The following C12orf42 variants were observed in gnomAD, a reference collection of about 807,000 sequenced individuals.
C12orf42 encodes chromosome 12 open reading frame 42, also known as uncharacterized protein C12orf42.
Under a neutral mutation model 21.6 loss-of-function variants are expected in C12orf42, and 25 were observed. The observed-to-expected ratio is 1.16, with a 90% confidence interval of 0.84 to 1.62. The LOEUF is 1.62. Ranked by LOEUF, C12orf42 falls within the 40% of genes most tolerant of loss-of-function variation. C12orf42 has a pLI of 0.00. For missense variants in C12orf42, 483 were observed against 459.3 expected (o/e 1.05, Z -0.47); for synonymous variants, 174 against 175.0 (o/e 0.99, Z 0.05).
chr12:103,118,659 G>T, the C12orf42 span, among the ~76,000 whole-genome samples: 5 of 151,480 alleles, frequency 3.3e-5, no homozygotes, highest in African/African-American at 1.2e-4. Context: ...TTAGCCAGGC[G>T]TGGTGGTGGG....
chr12:103,174,597 C>T, the C12orf42 span, among the ~76,000 whole-genome samples: 38 of 146,878 alleles, frequency 2.6e-4, no homozygotes, highest in East Asian at 4.3e-3. Flanking sequence ...GACTTCTAAT[C>T]GCCAACCAAC....
chr12:103,271,775 C>T (rs138548724), intron 5 of C12orf42, among the ~76,000 whole-genome samples: 1 of 152,266 alleles, frequency 6.6e-6, no homozygotes, highest in Non-Finnish European at 1.5e-5. Context: ...AACGATTATT[C>T]ATTTTCAACA....
At chr12:103,132,802 C>T in the C12orf42 span, among the ~76,000 whole-genome samples, 3 of 136,606 alleles carry the variant, frequency 2.2e-5, no homozygotes, top group Admixed American at 7.4e-5. Flanking sequence ...CCACCGCTAC[C>T]GCAGCTGGGG....
At chr12:103,111,820 A>G in the C12orf42 span, among the ~76,000 whole-genome samples, 1 of 152,212 alleles carries the variant, frequency 6.6e-6, no homozygotes, top group Non-Finnish European at 1.5e-5. Flanking sequence ...ATTTACCTAC[A>G]TTATCACAAG....
chr12:103,237,178 A>G (rs1259647093), downstream of C12orf42, among the ~76,000 whole-genome samples: 1 of 152,168 alleles, frequency 6.6e-6, no homozygotes, highest in African/African-American at 2.4e-5. Flanking sequence ...GTATAACACA[A>G]CTGTAGAGTT....
At chr12:103,110,866 G>T in the C12orf42 span, among the ~76,000 whole-genome samples, 1 of 152,178 alleles carries the variant, frequency 6.6e-6, no homozygotes, top group Admixed American at 6.5e-5. Context: ...ACCACTAATT[G>T]TTAGTCATCT....
At chr12:103,311,214 A>G (rs777501771) in intron 4 of C12orf42, among the ~76,000 whole-genome samples, 1 of 151,976 alleles carries the variant, frequency 6.6e-6, no homozygotes, top group Admixed American at 6.6e-5. Context: ...GTGTGTGTGT[A>G]TTCCTTATAC....
the C12orf42 span, among the ~76,000 whole-genome samples, chr12:103,108,006 AAAT>A: frequency 6.6e-6 from 1 of 151,614 alleles, no homozygotes; most frequent in Non-Finnish European, 1.5e-5. Flanking sequence ...AGGTAAATAT[AAAT>A]AACTATAATT....
chr12:103,146,605 A>AAAGG, the C12orf42 span, among the ~76,000 whole-genome samples: 1 of 151,572 alleles, frequency 6.6e-6, no homozygotes, highest in African/African-American at 2.4e-5. Context: ...AGAAAGAAAG[A>AAAGG]AAGAAAAAGA....
At chr12:103,260,902 T>TC (rs1449515679) in intron 10 of C12orf42, among the ~76,000 whole-genome samples, 2 of 152,192 alleles carry the variant, frequency 1.3e-5, no homozygotes, top group Non-Finnish European at 2.9e-5. Context: ...TTCTTAGTTG[T>TC]CCCCTGAGTA....
At chr12:103,375,612 CA>C (rs1451654718) in intron 3 of C12orf42, among the ~76,000 whole-genome samples, 2 of 152,010 alleles carry the variant, frequency 1.3e-5, no homozygotes, top group African/African-American at 4.8e-5. Flanking sequence ...ATTATGACAC[CA>C]AAATATTAAT....
the C12orf42 span, among the ~76,000 whole-genome samples, chr12:103,501,382 A>G: frequency 6.6e-6 from 1 of 152,202 alleles, no homozygotes; most frequent in South Asian, 2.1e-4. Context: ...GTTCCTAGAC[A>G]TAGGGGTGAG....
chr12:103,256,085 A>AATATATATATATAT (rs1565998064), intron 10 of C12orf42, among the ~76,000 whole-genome samples: 3 of 58,934 alleles, frequency 5.1e-5, no homozygotes, highest in African/African-American at 8.9e-5. Context: ...AAAAAAAAAA[A>AATATATATATATAT]ATATATATAT....
At chr12:103,101,661 C>T in the C12orf42 span, among the ~76,000 whole-genome samples, 2 of 152,326 alleles carry the variant, frequency 1.3e-5, no homozygotes, top group African/African-American at 2.4e-5. Context: ...TTCATAAGTG[C>T]CTCAAAATTA....
chr12:103,313,579 AATAATG>A (rs1330390840), intron 4 of C12orf42, among the ~76,000 whole-genome samples: 1 of 152,248 alleles, frequency 6.6e-6, no homozygotes, highest in Non-Finnish European at 1.5e-5. Context: ...ATAAAATAAA[AATAATG>A]ATAATATCTA....
chr12:103,474,849 G>T (rs1953921368), intron 2 of C12orf42, among the ~76,000 whole-genome samples: 1 of 152,280 alleles, frequency 6.6e-6, no homozygotes, highest in African/African-American at 2.4e-5. Flanking sequence ...GAGAAGGAAA[G>T]GTAGCTGGAT....
chr12:103,129,958 T>G, the C12orf42 span, among the ~76,000 whole-genome samples: 156 of 152,298 alleles, frequency 1.0e-3, 2 homozygotes, highest in Admixed American at 0.01. Flanking sequence ...CATGCAAATT[T>G]CCAGGATAAC....
the C12orf42 span, among the ~76,000 whole-genome samples, chr12:103,542,277 T>A: frequency 6.6e-6 from 1 of 152,240 alleles, no homozygotes; most frequent in African/African-American, 2.4e-5. Flanking sequence ...AGTATGAACA[T>A]GAGTGGTGCG....
At chr12:103,114,020 T>G in the C12orf42 span, among the ~76,000 whole-genome samples, 1 of 152,218 alleles carries the variant, frequency 6.6e-6, no homozygotes, top group Non-Finnish European at 1.5e-5. Context: ...ATTGGTTGAT[T>G]GATTTACTTT....
Sources: allele counts gnomAD v4.1 joint callset (sites outside exome capture counted in the v4.1 genomes callset), GRCh38; gene constraint gnomAD v4.1.1; transcripts MANE v1.5; gene names NCBI Gene and HGNC (gene_info 2026-07-23, HGNC 2026-07-21).